Variants in ANKHD1 observed in about 807,000 individuals in gnomAD.
ANKHD1 encodes ankyrin repeat and KH domain-containing protein 1.
Under a neutral mutation model 230.5 loss-of-function variants are expected in ANKHD1, and 31 were observed. The ratio of observed to expected loss-of-function variants is 0.13; its 90% CI spans 0.10 to 0.18. The LOEUF (loss-of-function observed/expected upper bound fraction) is 0.18, where lower values mean the gene tolerates loss of function less well. Ranked by LOEUF, ANKHD1 falls within the 10% of genes least tolerant of loss-of-function variation. ANKHD1 has a pLI of 1.00. For synonymous variants in ANKHD1, 1,074 were observed against 1,117.6 expected (o/e 0.96, Z 0.78); for missense variants, 2,256 against 3,071.3 (o/e 0.73, Z 6.27).
intron 20 of ANKHD1, 133 bp downstream of exon 20, chr5:140,508,131 A>T: frequency 8.1e-7 from 1 of 1,234,988 alleles, no homozygotes; most frequent in Non-Finnish European, 1.1e-6. Context: ...TTGAGGGATT[A>T]TGCTGTATAA....
At chr5:140,407,557 C>G (rs913783737) in intron 1 of ANKHD1, among the ~76,000 whole-genome samples, 2 of 151,336 alleles carry the variant, frequency 1.3e-5, no homozygotes, top group Non-Finnish European at 2.9e-5. Flanking sequence ...TAGAGGTGTA[C>G]TCCACCACTC....
intron 24 of ANKHD1, among the ~76,000 whole-genome samples, chr5:140,518,529 A>G (rs1753157642): frequency 1.3e-5 from 2 of 150,976 alleles, no homozygotes; most frequent in African/African-American, 4.9e-5. Flanking sequence ...CATTGATGCA[A>G]AAATCCTCAA....
At position 140,402,029 on chromosome 5, in the gene ANKHD1, C is replaced by T. The variant is rs769915755; in HGVS notation, c.62C>T (p.Pro21Leu). Reference protein sequence around the residue: ...SFEEDLDSVAPRSAPAGASEP... With the variant: ...SFEEDLDSVALRSAPAGASEP... ...GAGGAGGACCTGGACTCTGTGGCTC[C>T]GCGATCCGCCCCAGCTGGGGCCTCG... The change falls in exon 1 of 34, where the codon CCG becomes CTG. Residue 21 changes from proline (P) to leucine (L), a missense_variant. By Grantham distance (98) the Pro-to-Leu change is moderately conservative (BLOSUM62 -3). Transcript: ENST00000360839. The T allele has an allele frequency of 4.0e-6, 6 of 1,503,114 alleles. No homozygotes were observed. The highest frequency in any genetic ancestry group is 4.4e-6 in the Non-Finnish European group (5 of 1,131,956). 93.1% of individuals were successfully genotyped at this position (1,503,114 alleles called of 1,614,324 possible). A position where few individuals can be genotyped will look rare whatever the true frequency, so the allele number is the denominator to read the frequency against.
chr5:140,491,147 T>TAC (rs1751770659), intron 14 of ANKHD1, among the ~76,000 whole-genome samples: 1 of 98,152 alleles, frequency 1.0e-5, no homozygotes, highest in Non-Finnish European at 2.1e-5. Flanking sequence ...CACATATATA[T>TAC]ATATATATAT....
rs772142702 is a variant in ANKHD1, at chr5:140,512,832, A to G, written c.4109A>G (p.His1370Arg). 12 of 1,597,062 alleles carry G rather than the reference A, an allele frequency of 7.5e-6. No individual in the cohort carries two copies. The highest frequency in any genetic ancestry group is 9.4e-6 in the Non-Finnish European group (11 of 1,174,556). The change falls in exon 23 of 34, where the codon CAT becomes CGT. Residue 1370 changes from histidine (H) to arginine (R), a missense_variant. Transcript: ENST00000360839. ...TPLMSAFRKG[H>R]VKVVQYLVKE... is the part of the protein sequence containing the mutation. ...AGATTGTTGTACTTCTTATAGGGTC[A>G]TGTAAAAGTTGTTCAATATTTGGTA...
At chr5:140,512,731 T>C in intron 22 of ANKHD1, 97 bp from the exon 23 acceptor site, 1 of 1,147,576 alleles carries the variant, frequency 8.7e-7, no homozygotes, top group Admixed American at 3.0e-5. Flanking sequence ...AATCAAGGGA[T>C]TCCTTTGTAA....
At chr5:140,453,004 A>G (rs1025353288) in intron 7 of ANKHD1, among the ~76,000 whole-genome samples, 79 of 152,216 alleles carry the variant, frequency 5.2e-4, no homozygotes, top group African/African-American at 1.9e-3. Context: ...TAGAATAACC[A>G]GTGTAGAGAA....
chr5:140,505,181 T>C lies in ANKHD1; in HGVS notation c.3210T>C (p.Leu1070=). ...TLACAGGHEE[L]VSVLIARDAK... is the part of the protein sequence containing the mutation. ...CTTGTGCAGGTGGTCATGAAGAACT[T>C]GTATCTGTGCTCATTGCACGGGATG... The change falls in exon 17 of 34, where the codon CTT becomes CTC. Residue 1070 remains leucine, a synonymous_variant. Coordinates refer to ENST00000360839, the MANE Select transcript of ANKHD1 (RefSeq NM_017747.3). 2 of 1,614,178 alleles carry C rather than the reference T, an allele frequency of 1.2e-6. No homozygotes were observed. Among genetic ancestry groups the C allele is most frequent in the Non-Finnish European group, 1.7e-6 (2 of 1,180,014 alleles).
In ANKHD1 at chr5:140,497,274, A is replaced by G. The variant is rs1216133602; in HGVS notation, c.3000A>G (p.Ile1000Met). Reference protein sequence around the residue: ...QTLTDTLDDLIAAVSTRVPTG... With the variant: ...QTLTDTLDDLMAAVSTRVPTG... ...TTACCGACACTCTTGATGACCTGAT[A>G]GCAGGTGGGTTAAGAAATATATCTG... Residue 1000 changes from isoleucine (I) to methionine (M), a missense_variant, in exon 15 of 34, where the codon ATA (isoleucine) becomes ATG (methionine). By Grantham distance (10) the Ile-to-Met change is conservative. Transcript: ENST00000360839. 6.3e-7 allele frequency: 1 copy of G among 1,599,316 alleles called. No individual in the cohort carries two copies. The highest frequency in any genetic ancestry group is 1.1e-5 in the South Asian group (1 of 90,794).
Position 140,408,387 on chromosome 5 carries a change from C to G in ANKHD1, c.306+6114C>G, listed in dbSNP as rs185977377. On this transcript the variant is annotated intron_variant, in intron 1 of 33. Coordinates refer to ENST00000360839, the MANE Select transcript of ANKHD1 (RefSeq NM_017747.3). The stretch of plus-strand genomic sequence containing the variant: ...TTCTATGTATATATGTATATATGTT[C>G]ATATACACATACTTTAAAGGCATAT... Among the ~76,000 whole-genome samples, 208 of 152,104 alleles carry G rather than the reference C, an allele frequency of 1.4e-3. 1 individual carries two copies. The highest frequency in any genetic ancestry group is 2.2e-3 in the Non-Finnish European group (149 of 67,982).
At chr5:140,429,549 T>TTC in intron 1 of ANKHD1, among the ~76,000 whole-genome samples, 1 of 152,338 alleles carries the variant, frequency 6.6e-6, no homozygotes, top group Non-Finnish European at 1.5e-5. Flanking sequence ...TTTTCATTTA[T>TTC]ATTTAAGAGC....
Position 140,496,524 on chromosome 5 carries a change from A to C in ANKHD1, c.2250A>C (p.Thr750=), listed in dbSNP as rs1461373640. Residue 750 remains threonine (T), a synonymous_variant, in exon 15 of 34, where the codon ACA becomes ACC. Transcript: ENST00000360839. ...AAACATTTTTCATGTGCTTAGGTAC[A>C]TCCAAGCAGAAGTCCAGTTCCCTCC... ...SPALLGVQKG[T]SKQKSSSLQV... is the part of the protein sequence containing the mutation. 3 of 1,558,766 alleles carry C rather than the reference A, an allele frequency of 1.9e-6. No homozygotes were observed. The Admixed American group carries it at 6.2e-5, about 32-fold the overall frequency.
chr5:140,499,479 A>G (rs1451120046), intron 15 of ANKHD1, among the ~76,000 whole-genome samples: 3 of 152,150 alleles, frequency 2.0e-5, no homozygotes, highest in East Asian at 1.9e-4. Context: ...TTTACTTTAG[A>G]AGAATTTTAG....
chr5:140,537,615 G>A, intron 31 of ANKHD1, 26 bp downstream of exon 31: 1 of 1,511,268 alleles, frequency 6.6e-7, no homozygotes, highest in Non-Finnish European at 8.8e-7. Context: ...TCTCTCTCTG[G>A]AGGGATATCT....
intron 24 of ANKHD1, among the ~76,000 whole-genome samples, chr5:140,515,955 T>C (rs1307310504): frequency 5.3e-5 from 8 of 152,172 alleles, no homozygotes; most frequent in Admixed American, 2.0e-4. Context: ...AGAATGACTT[T>C]GACGAGCTGA....
chr5:140,506,936 C>T lies in ANKHD1; in HGVS notation c.3510C>T (p.Ile1170=). ...CTGCGTCTGGAGGATATGTTAATAT[C>T]ATTAAGATTCTGCTTAATGCTGGGG... ...SLAASGGYVN[I]IKILLNAGAE... The change falls in exon 19 of 34, where the codon ATC becomes ATT. Residue 1170 remains isoleucine (I), a synonymous_variant. Transcript: ENST00000360839. This position sits in a 1 kb window ranked among gnomAD's most constrained non-coding sequence, Gnocchi z 4.7. The T allele has an allele frequency of 6.2e-7, 1 of 1,614,086 alleles. No homozygotes were observed. The highest frequency in any genetic ancestry group is 8.5e-7 in the Non-Finnish European group (1 of 1,179,992).
chr5:140,526,931 T>C lies in ANKHD1; in HGVS notation c.4944T>C (p.Leu1648=), dbSNP rs1241470027. 1.2e-6 allele frequency: 2 copies of C among 1,608,704 alleles called. No homozygotes were observed. Among genetic ancestry groups the C allele is most frequent in the African/African-American group, 2.7e-5 (2 of 74,688 alleles). Residue 1648 remains leucine, a synonymous_variant, in exon 27 of 34, where the codon CTT becomes CTC. Coordinates refer to ENST00000360839, the MANE Select transcript of ANKHD1 (RefSeq NM_017747.3). ...STATSKTQTR[L]EGEVTPNSLS... Reference sequence around the variant, plus strand: ...CTTGCTATTTGTCTCTTCTTAGACTTGAAGGTGAAGTGACTCCTAATTCCT... The same window carrying C: ...CTTGCTATTTGTCTCTTCTTAGACTCGAAGGTGAAGTGACTCCTAATTCCT...
chr5:140,538,127 C>A lies in ANKHD1; in HGVS notation c.7270C>A (p.Pro2424Thr), dbSNP rs1426809545. The change falls in exon 32 of 34, where the codon CCA (proline) becomes ACA (threonine). Residue 2424 changes from proline (P) to threonine (T), a missense_variant. Around this residue, in one of 13 missense-constraint regions of ANKHD1, gnomAD observed 778 missense variants for 966.5 expected, o/e 0.80. Coordinates refer to ENST00000360839, the MANE Select transcript of ANKHD1 (RefSeq NM_017747.3). The stretch of plus-strand genomic sequence containing the variant: ...GTCGCAATCTGTGATGGGGAACCAT[C>A]CAATGCATCAACAATTATCAGACCC... Reference protein sequence around the residue: ...GWSQSVMGNHPMHQQLSDPST... With the variant: ...GWSQSVMGNHTMHQQLSDPST... The A allele has an allele frequency of 6.2e-7, 1 of 1,613,936 alleles. No homozygotes were observed. Among genetic ancestry groups the A allele is most frequent in the Non-Finnish European group, 8.5e-7 (1 of 1,179,912 alleles).
At chr5:140,441,636 A>G (rs890000308) in intron 5 of ANKHD1, among the ~76,000 whole-genome samples, 7 of 152,192 alleles carry the variant, frequency 4.6e-5, no homozygotes, top group Non-Finnish European at 8.8e-5. Flanking sequence ...TCGGAGAAGT[A>G]GGTAAAAGGA....
Sources: gnomAD v4.1 joint callset for allele counts (sites outside exome capture counted in the v4.1 genomes callset) on GRCh38, gnomAD v4.1.1 for gene constraint, gnomAD v4.1.1 regional missense constraint, Gnocchi (gnomAD v3.1) non-coding constraint, MANE v1.5 for transcripts, NCBI Gene and HGNC (gene_info 2026-07-23, HGNC 2026-07-21) for gene names.